Variants in ARSG observed in about 807,000 individuals in gnomAD.
ARSG encodes ASG.
ARSG carries 37 observed loss-of-function variants against 50.5 expected under a neutral mutation model. The ratio of observed to expected loss-of-function variants is 0.73; its 90% CI spans 0.56 to 0.96. The LOEUF (loss-of-function observed/expected upper bound fraction) is 0.96. ARSG is among the 50% of genes least tolerant of loss of function. The pLI is 0.00. For missense variants in ARSG, 629 were observed against 675.3 expected, an observed-to-expected ratio of 0.93 and a Z score of 0.76; for synonymous variants, 225 against 254.6, an observed-to-expected ratio of 0.88 and a Z score of 1.11.
chr17:68,349,934 A>G (rs144503260), intron 4 of ARSG, among the ~76,000 whole-genome samples: 2 of 152,314 alleles, frequency 1.3e-5, no homozygotes, highest in African/African-American at 4.8e-5. Context: ...CATACACCAC[A>G]TATTGGGTTG....
At chr17:68,405,045 A>G (rs1193327099) in intron 11 of ARSG, among the ~76,000 whole-genome samples, 2 of 148,770 alleles carry the variant, frequency 1.3e-5, no homozygotes, top group African/African-American at 5.0e-5. Flanking sequence ...TTATATGTCT[A>G]TGTTTATGCC....
chr17:68,298,346 T>A (rs900875047), intron 1 of ARSG, among the ~76,000 whole-genome samples: 4 of 152,062 alleles, frequency 2.6e-5, no homozygotes, highest in Admixed American at 2.6e-4. Flanking sequence ...CCCACATCTG[T>A]AATCCCAGCA....
chr17:68,392,675 T>G (rs1600065348), intron 9 of ARSG, among the ~76,000 whole-genome samples: 1 of 152,114 alleles, frequency 6.6e-6, no homozygotes, highest in African/African-American at 2.4e-5. Context: ...AATTTTTATA[T>G]TTTTAGTAGA....
chr17:68,441,781 T>C, the ARSG span, among the ~76,000 whole-genome samples: 6 of 152,234 alleles, frequency 3.9e-5, no homozygotes. Flanking sequence ...TCCATTTTAC[T>C]GCAGTAGAAA....
At chr17:68,444,664 T>A in the ARSG span, 1 of 1,248,710 alleles carries the variant, frequency 8.0e-7, no homozygotes, top group Admixed American at 2.2e-5. Context: ...ATCATTCATC[T>A]TTCATATGAG....
chr17:68,289,831 G>T (rs1555755239), upstream of ARSG, among the ~76,000 whole-genome samples: 1 of 152,120 alleles, frequency 6.6e-6, no homozygotes, highest in Non-Finnish European at 1.5e-5. Flanking sequence ...AGGGTTAGTG[G>T]TACTCATTAC....
intron 2 of ARSG, among the ~76,000 whole-genome samples, chr17:68,332,289 C>T (rs1599755887): frequency 6.6e-6 from 1 of 152,178 alleles, no homozygotes; most frequent in South Asian, 2.1e-4. Context: ...AGCTCTGTTC[C>T]GCCCAGCCCA....
intron 10 of ARSG, among the ~76,000 whole-genome samples, chr17:68,398,923 G>C (rs142367886): frequency 1.1e-4 from 16 of 152,344 alleles, no homozygotes; most frequent in African/African-American, 3.8e-4. Context: ...CTGGGAAGGG[G>C]AGGGCTGCAC....
the ARSG span, among the ~76,000 whole-genome samples, chr17:68,440,072 A>G: frequency 2.0e-5 from 3 of 152,226 alleles, no homozygotes; most frequent in Non-Finnish European, 4.4e-5. Context: ...TTGACACTAG[A>G]TGCTAACAAG....
At chr17:68,444,510 A>C in the ARSG span, 1 of 1,613,900 alleles carries the variant, frequency 6.2e-7, no homozygotes, top group Non-Finnish European at 8.5e-7. Context: ...GTTTGCAGGA[A>C]TATCCAGGAG....
intron 11 of ARSG, among the ~76,000 whole-genome samples, chr17:68,417,267 T>G (rs1464117875): frequency 6.6e-6 from 1 of 152,206 alleles, no homozygotes; most frequent in Admixed American, 6.5e-5. Flanking sequence ...GAGAAAAACC[T>G]AAGTAATTTA....
At chr17:68,265,524 C>A (rs2075141657) in intron 1 of ARSG, among the ~76,000 whole-genome samples, 1 of 152,160 alleles carries the variant, frequency 6.6e-6, no homozygotes, top group African/African-American at 2.4e-5. Context: ...AAAGTGTTAG[C>A]TGCTTGATCT....
rs562161504 is a variant in ARSG, at chr17:68,378,981, G to C, written c.983-6083G>C. Among the ~76,000 whole-genome samples, 2 of 152,224 alleles carry C rather than the reference G, an allele frequency of 1.3e-5. No homozygotes were observed. The highest frequency in any genetic ancestry group is 3.9e-4 in the East Asian group (2 of 5,182). On this transcript the variant is annotated intron_variant, in intron 8 of 11. Coordinates refer to ENST00000621439, the MANE Select transcript of ARSG (RefSeq NM_001267727.2). This position sits in a 1 kb window ranked among gnomAD's most constrained non-coding sequence, Gnocchi z 4.4. ...GGTGCTGTGAGGTGACAGAGCAAGG[G>C]ATAAGGGACTCTGGCTGTTGGCCCT... is the stretch of plus-strand genomic sequence containing the variant.
intron 11 of ARSG, among the ~76,000 whole-genome samples, chr17:68,408,353 C>T (rs1282321913): frequency 6.7e-6 from 1 of 148,434 alleles, no homozygotes; most frequent in African/African-American, 2.5e-5. Flanking sequence ...CAATTCCCAC[C>T]TATGAGTGAG....
chr17:68,343,877 C>T, intron 3 of ARSG, 86 bp downstream of exon 3: 1 of 1,347,028 alleles, frequency 7.4e-7, no homozygotes, highest in Non-Finnish European at 1.0e-6. Context: ...TCCCTGTCTG[C>T]TTTCCTGTTC....
At chr17:68,274,011 C>A (rs1201386409) in intron 1 of ARSG, 1 of 1,614,086 alleles carries the variant, frequency 6.2e-7, no homozygotes, top group Admixed American at 1.7e-5. Flanking sequence ...ACAAGTAGCC[C>A]CCCCAACATC....
chr17:68,434,536 G>T, the ARSG span: 15 of 1,613,326 alleles, frequency 9.3e-6, no homozygotes, highest in Non-Finnish European at 1.2e-5. Context: ...TTTAAAATGG[G>T]TTTGACATTG....
At chr17:68,274,192 G>A (rs1221741643) in intron 1 of ARSG, 11 of 1,062,816 alleles carry the variant, frequency 1.0e-5, no homozygotes, top group African/African-American at 4.8e-5. Context: ...ATGGCCGAGC[G>A]CAGTGGCTCA....
At chr17:68,273,903 T>G in intron 1 of ARSG, 1 of 1,611,596 alleles carries the variant, frequency 6.2e-7, no homozygotes, top group Non-Finnish European at 8.5e-7. Context: ...CTAGACAACT[T>G]CTGAGCCAAA....
Sources: gnomAD v4.1 joint callset for allele counts (sites outside exome capture counted in the v4.1 genomes callset) on GRCh38, gnomAD v4.1.1 for gene constraint, Gnocchi (gnomAD v3.1) non-coding constraint, MANE v1.5 for transcripts, NCBI Gene and HGNC (gene_info 2026-07-23, HGNC 2026-07-21) for gene names.